The following AGBL1 variants were observed in gnomAD, a reference collection of about 807,000 sequenced individuals.
The protein encoded by AGBL1 is cytosolic carboxypeptidase 4.
In AGBL1, 130 loss-of-function variants were observed where a neutral mutation model predicts 118.9. The ratio of observed to expected loss-of-function variants is 1.09; its 90% CI spans 0.95 to 1.26. The LOEUF is 1.26. AGBL1 is among the 50% of genes most tolerant of loss of function. The pLI is 0.00. For missense variants in AGBL1, 1,584 were observed against 1,298.1 expected, an observed-to-expected ratio of 1.22 and a Z score of -3.38; for synonymous variants, 555 against 478.9, an observed-to-expected ratio of 1.16 and a Z score of -2.08.
chr15:86,741,210 A>G (rs2077672754), intron 22 of AGBL1, among the ~76,000 whole-genome samples: 1 of 151,748 alleles, frequency 6.6e-6, no homozygotes, highest in Non-Finnish European at 1.5e-5. Flanking sequence ...TTTTCGTTCC[A>G]AGGGCTACAG....
intron 22 of AGBL1, among the ~76,000 whole-genome samples, chr15:86,787,150 T>TTA (rs763899308): frequency 2.3e-3 from 346 of 151,354 alleles, no homozygotes; most frequent in African/African-American, 5.1e-3. Flanking sequence ...TACATAATGT[T>TTA]TATATATATA....
At chr15:86,251,075 C>T (rs2078807942) in intron 7 of AGBL1, among the ~76,000 whole-genome samples, 1 of 152,156 alleles carries the variant, frequency 6.6e-6, no homozygotes, top group Non-Finnish European at 1.5e-5. Flanking sequence ...TAATACATCC[C>T]TTGGCTGTCT....
intron 22 of AGBL1, among the ~76,000 whole-genome samples, chr15:86,818,959 C>A (rs747373085): frequency 6.6e-6 from 1 of 152,046 alleles, no homozygotes; most frequent in Non-Finnish European, 1.5e-5. Context: ...GCCACAGTGC[C>A]TTTTAGTGCT....
rs189126834 is a variant in AGBL1 at position 86,448,858 on chromosome 15, A to G, written c.2555+51312A>G. On this transcript the variant is annotated intron_variant, in intron 18 of 22. Coordinates refer to ENST00000614907, the MANE Select transcript of AGBL1 (RefSeq NM_001386094.1). ...TTAAAATTTAACTCAAAAGAAAAAA[A>G]AAGGAGAAGCTGATTTCCGAAGGAA... is the stretch of plus-strand genomic sequence containing the variant. Among the ~76,000 whole-genome samples, 87 of 152,372 alleles carry G rather than the reference A, an allele frequency of 5.7e-4. No individual in the cohort carries two copies. In the East Asian group the frequency reaches 0.015, roughly 26 times the overall value.
intron 18 of AGBL1, among the ~76,000 whole-genome samples, chr15:86,403,394 T>G (rs1385620629): frequency 2.6e-5 from 4 of 152,140 alleles, no homozygotes; most frequent in Non-Finnish European, 5.9e-5. Flanking sequence ...CCACTATAAG[T>G]AAATACACCA....
chr15:86,955,314 A>G (rs1175119195), intron 23 of AGBL1, among the ~76,000 whole-genome samples: 5 of 152,134 alleles, frequency 3.3e-5, no homozygotes, highest in Admixed American at 6.5e-5. Flanking sequence ...TAGAATCACA[A>G]TGAAAACCCT....
intron 1 of AGBL1, among the ~76,000 whole-genome samples, chr15:86,112,849 AT>A (rs200084102): frequency 2.0e-4 from 30 of 150,960 alleles, no homozygotes; most frequent in East Asian, 7.7e-4. Flanking sequence ...AATGTAACTG[AT>A]TTTTTTTTTA....
chr15:86,172,983 C>G (rs1319808352), intron 5 of AGBL1, among the ~76,000 whole-genome samples: 1 of 151,976 alleles, frequency 6.6e-6, no homozygotes, highest in Non-Finnish European at 1.5e-5. Flanking sequence ...TATACGAGTT[C>G]CCTTTTCTCC....
intron 22 of AGBL1, among the ~76,000 whole-genome samples, chr15:86,780,062 A>G (rs1273315321): frequency 1.3e-5 from 2 of 152,182 alleles, no homozygotes; most frequent in Non-Finnish European, 2.9e-5. Flanking sequence ...TGCCTACTCT[A>G]AGATCATGAA....
intron 22 of AGBL1, among the ~76,000 whole-genome samples, chr15:86,788,792 C>T (rs191547492): frequency 6.6e-6 from 1 of 152,212 alleles, no homozygotes; most frequent in African/African-American, 2.4e-5. Flanking sequence ...CTCTAAGGTA[C>T]AAACATTTGA....
chr15:86,422,035 C>G (rs1479891541), intron 18 of AGBL1, among the ~76,000 whole-genome samples: 1 of 151,822 alleles, frequency 6.6e-6, no homozygotes, highest in Non-Finnish European at 1.5e-5. Context: ...AATATTAGAT[C>G]AACGAGACAG....
intron 18 of AGBL1, among the ~76,000 whole-genome samples, chr15:86,413,879 T>A (rs1164675752): frequency 6.6e-6 from 1 of 152,124 alleles, no homozygotes; most frequent in Non-Finnish European, 1.5e-5. Context: ...CTGGTTTAAT[T>A]TTCCCATTTA....
At chr15:86,410,044 C>T (rs573721146) in intron 18 of AGBL1, among the ~76,000 whole-genome samples, 1 of 152,054 alleles carries the variant, frequency 6.6e-6, no homozygotes, top group South Asian at 2.1e-4. Flanking sequence ...TAAAGCAAAC[C>T]CTTGGGTATA....
intron 17 of AGBL1, among the ~76,000 whole-genome samples, chr15:86,330,589 C>T: frequency 6.6e-6 from 1 of 152,118 alleles, no homozygotes; most frequent in East Asian, 1.9e-4. Context: ...GTAGTGATAC[C>T]ACCAAAGGAT....
chr15:86,105,678 A>G (rs1315508971), intron 1 of AGBL1, among the ~76,000 whole-genome samples: 1 of 152,230 alleles, frequency 6.6e-6, no homozygotes, highest in East Asian at 1.9e-4. Flanking sequence ...GCAGGGCCAA[A>G]CATCTTTGAA....
At chr15:86,192,980 G>C (rs377452294) in intron 5 of AGBL1, among the ~76,000 whole-genome samples, 2 of 151,992 alleles carry the variant, frequency 1.3e-5, no homozygotes, top group East Asian at 3.9e-4. Context: ...TTTTAATTTT[G>C]TACTTAATTT....
intron 17 of AGBL1, among the ~76,000 whole-genome samples, chr15:86,389,895 T>C (rs1330365330): frequency 3.3e-5 from 5 of 152,096 alleles, no homozygotes; most frequent in Admixed American, 1.3e-4. Flanking sequence ...GAGCAAATAT[T>C]AAATTGATAG....
At chr15:86,987,805 A>G (rs891794801) in intron 23 of AGBL1, among the ~76,000 whole-genome samples, 7 of 152,176 alleles carry the variant, frequency 4.6e-5, no homozygotes, top group Non-Finnish European at 1.0e-4. Context: ...TATTTTAATA[A>G]GAAATAGATT....
At chr15:86,271,766 A>G in intron 15 of AGBL1, 60 bp downstream of exon 15, 1 of 1,450,154 alleles carries the variant, frequency 6.9e-7, no homozygotes, top group Non-Finnish European at 9.7e-7. Context: ...TCAATTTCCC[A>G]CTTTTCCATA....
Sources: gnomAD v4.1 joint callset for allele counts (sites outside exome capture counted in the v4.1 genomes callset) on GRCh38, gnomAD v4.1.1 for gene constraint, MANE v1.5 for transcripts, NCBI Gene and HGNC (gene_info 2026-07-23, HGNC 2026-07-21) for gene names.